STOX2: variants seen among roughly 807,000 people sequenced by gnomAD.
STOX2 encodes the protein storkhead box 2, also known as storkhead-box protein 2.
STOX2 carries 28 observed loss-of-function variants against 60.9 expected under a neutral mutation model. The ratio of observed to expected loss-of-function variants is 0.46; its 90% confidence interval spans 0.34 to 0.63. STOX2 has a LOEUF of 0.63. STOX2 is among the 30% of genes least tolerant of loss of function. STOX2 has a pLI of 0.01. For missense variants in STOX2, 1,024 were observed against 1,187.7 expected (o/e 0.86, Z 2.03); for synonymous variants, 472 against 463.9 (o/e 1.02, Z -0.22).
chr4:183,951,318 G>T lies in STOX2; in HGVS notation c.166+44362G>T, dbSNP rs1743083329. Among the ~76,000 whole-genome samples, 3 of 152,126 alleles carry T rather than the reference G, an allele frequency of 2.0e-5. No homozygotes were observed. The South Asian group carries it at 6.2e-4, about 32-fold the overall frequency. ...AGGAGCTCATTCTTCCTGCAGTGTG[G>T]AGAAAGGATTTGGGATGACAGAGGT... On this transcript the variant is annotated intron_variant, in intron 1 of 3. Coordinates refer to ENST00000308497, the MANE Select transcript of STOX2 (RefSeq NM_020225.3).
intron 1 of STOX2, among the ~76,000 whole-genome samples, chr4:183,943,948 C>A (rs1579447803): frequency 6.6e-6 from 1 of 152,222 alleles, no homozygotes; most frequent in African/African-American, 2.4e-5. Context: ...GCTGTAGCCA[C>A]CACTGAGCAC....
Position 183,806,532 on chromosome 4 carries a change from G to A in STOX2, c.364+8477G>A, listed in dbSNP as rs991130393. On this transcript the variant is annotated intron_variant, in intron 1 of 2. Transcript: ENST00000513034. The surrounding 1 kb of genome is among the most constrained non-coding windows in gnomAD (Gnocchi z 4.1). ...TCTTCACTGTGAACCCCGGGATACT[G>A]CGGCGGTGCTGGCTGGAAGGCTGGC... Among the ~76,000 whole-genome samples, 1 of 152,154 alleles carries A rather than the reference G, an allele frequency of 6.6e-6. No homozygotes were observed. Among genetic ancestry groups the A allele is most frequent in the Non-Finnish European group, 1.5e-5 (1 of 68,034 alleles).
intron 1 of STOX2, among the ~76,000 whole-genome samples, chr4:183,835,043 T>C (rs926164437): frequency 1.3e-5 from 2 of 151,990 alleles, no homozygotes; most frequent in Non-Finnish European, 2.9e-5. Flanking sequence ...GGAAACATAG[T>C]GTCTTGAAGG....
intron 1 of STOX2, among the ~76,000 whole-genome samples, chr4:183,802,900 C>T (rs772143311): frequency 6.6e-6 from 1 of 152,152 alleles, no homozygotes; most frequent in African/African-American, 2.4e-5. Context: ...GGGTTACAGG[C>T]GTGAGCCACC....
At chr4:183,994,326 G>C (rs1206965866) in intron 1 of STOX2, among the ~76,000 whole-genome samples, 1 of 152,176 alleles carries the variant, frequency 6.6e-6, no homozygotes, top group East Asian at 1.9e-4. Flanking sequence ...AATTTTGGCG[G>C]TGCAGAGAAC....
At chr4:183,957,801 G>A (rs887800442) in intron 1 of STOX2, among the ~76,000 whole-genome samples, 22 of 152,152 alleles carry the variant, frequency 1.4e-4, no homozygotes, top group South Asian at 2.1e-4. Flanking sequence ...CCTTCAGGGC[G>A]GATGGTAGAA....
intron 1 of STOX2, among the ~76,000 whole-genome samples, chr4:183,911,887 A>G (rs976728675): frequency 9.8e-5 from 15 of 152,322 alleles, no homozygotes; most frequent in African/African-American, 2.9e-4. Context: ...TCTATAAGGT[A>G]TAAAGTAGAG....
Position 184,010,422 on chromosome 4 carries a change from T to C in STOX2, c.1584T>C (p.Ile528=), listed in dbSNP as rs1396856510. 4 of 1,613,796 alleles carry C rather than the reference T, an allele frequency of 2.5e-6. No homozygotes were observed. In the South Asian group the frequency reaches 4.4e-5, roughly 18 times the overall value. The change falls in exon 3 of 4, where the codon ATT becomes ATC. Residue 528 remains isoleucine (I), a synonymous_variant. Coordinates refer to ENST00000308497, the MANE Select transcript of STOX2 (RefSeq NM_020225.3). The surrounding 1 kb of genome is among the most constrained non-coding windows in gnomAD (Gnocchi z 4.5). ...ACCAGACCCCCAGCCAATCCTACAT[T>C]GACGACAGTACTTTAAGGCCTGCAC... is the stretch of plus-strand genomic sequence containing the variant. ...QDDQTPSQSY[I]DDSTLRPAQT...
At chr4:183,854,524 C>A (rs1740240135) in intron 1 of STOX2, among the ~76,000 whole-genome samples, 1 of 152,024 alleles carries the variant, frequency 6.6e-6, no homozygotes, top group African/African-American at 2.4e-5. Flanking sequence ...TGGCAGGGGG[C>A]AGGGGGGATG....
intron 1 of STOX2, among the ~76,000 whole-genome samples, chr4:183,819,046 T>C (rs1048822055): frequency 5.4e-5 from 8 of 149,502 alleles, no homozygotes. Context: ...GCAGAGACGC[T>C]CCTCACTTTC....
chr4:184,006,507 C>T (rs979114978), intron 2 of STOX2, among the ~76,000 whole-genome samples: 4 of 151,372 alleles, frequency 2.6e-5, no homozygotes, highest in East Asian at 1.9e-4. Context: ...CCCAGGAGTT[C>T]GAGACCAACC....
chr4:183,983,892 T>C (rs948263212), intron 1 of STOX2, among the ~76,000 whole-genome samples: 1 of 152,170 alleles, frequency 6.6e-6, no homozygotes, highest in Non-Finnish European at 1.5e-5. Flanking sequence ...TCAAGTGATA[T>C]TCCTGCCTCC....
chr4:183,942,413 C>A (rs577375565), intron 1 of STOX2, among the ~76,000 whole-genome samples: 4 of 150,470 alleles, frequency 2.7e-5, no homozygotes, highest in African/African-American at 9.8e-5. Context: ...TCATGACTCA[C>A]CACATGGGAC....
intron 1 of STOX2, among the ~76,000 whole-genome samples, chr4:183,986,134 GA>G (rs138011558): frequency 3.5e-5 from 5 of 140,878 alleles, no homozygotes; most frequent in East Asian, 2.1e-4. Context: ...TGTGGAGAAA[GA>G]AAAAAAAAAC....
chr4:184,011,600 T>C lies in STOX2; in HGVS notation c.2585+177T>C. On this transcript the variant is annotated intron_variant, in intron 3 of 3. Transcript: ENST00000308497. The surrounding 1 kb of genome is among the most constrained non-coding windows in gnomAD (Gnocchi z 4.4). ...CTTCTTTTTCAGGAATTGAAAAAAATGTTTCTGCACCTGTAGAGATCACCA... is the reference window on the plus strand; with the variant it reads ...CTTCTTTTTCAGGAATTGAAAAAAACGTTTCTGCACCTGTAGAGATCACCA... 6.5e-7 allele frequency: 1 copy of C among 1,529,744 alleles called. No homozygotes were observed. Among genetic ancestry groups the C allele is most frequent in the Non-Finnish European group, 8.7e-7 (1 of 1,142,956 alleles). 94.8% of individuals were successfully genotyped at this position (1,529,744 alleles called of 1,614,324 possible). A position where few individuals can be genotyped will look rare whatever the true frequency, so the allele number is the denominator to read the frequency against.
intron 1 of STOX2, among the ~76,000 whole-genome samples, chr4:183,878,156 C>T (rs928280551): frequency 6.6e-6 from 1 of 152,182 alleles, no homozygotes. Flanking sequence ...GATTTGCACC[C>T]AGGAGATCTA....
chr4:184,005,753 C>T lies in STOX2; in HGVS notation c.320-3405C>T, dbSNP rs1733798367. On this transcript the variant is annotated intron_variant, in intron 2 of 3. Transcript: ENST00000308497. ...CAGAACCCTGAATTTCACAATCAGT[C>T]AGTATATTAGGGCTTCATAATACAA... Among the ~76,000 whole-genome samples, 3 of 152,130 alleles carry T rather than the reference C, an allele frequency of 2.0e-5. No homozygotes were observed. In the South Asian group the frequency reaches 6.2e-4, roughly 32 times the overall value.
At position 183,874,952 on chromosome 4, in the gene STOX2, AATATATATAT is replaced by A. The variant is rs759209967; in HGVS notation, c.364+76929_364+76938del. Reference sequence around the variant, plus strand: ...AAAAAAAAAAAAAAAAAAAAAAAAAAATATATATATATATATATATATATATATATATATA... The same window carrying A: ...AAAAAAAAAAAAAAAAAAAAAAAAAAATATATATATATATATATATATATA... On this transcript the variant is annotated intron_variant, in intron 1 of 2. Transcript: ENST00000513034. Among the ~76,000 whole-genome samples, 212 of 44,608 alleles carry A rather than the reference AATATATATAT, an allele frequency of 4.8e-3. 1 individual carries two copies. The highest frequency in any genetic ancestry group is 8.8e-3 in the East Asian group (11 of 1,252). The allele number at this position is 44,608 out of a possible 152,430, so 29.3% of individuals were successfully genotyped here.
chr4:183,961,360 T>TGCA (rs968770985), intron 1 of STOX2, among the ~76,000 whole-genome samples: 1 of 151,200 alleles, frequency 6.6e-6, no homozygotes, highest in Admixed American at 6.6e-5. Context: ...TGATGGTTGC[T>TGCA]GCTGCTGCTG....
Sources: allele counts gnomAD v4.1 joint callset (sites outside exome capture counted in the v4.1 genomes callset), GRCh38; gene constraint gnomAD v4.1.1; non-coding constraint Gnocchi (gnomAD v3.1); transcripts MANE v1.5; gene names NCBI Gene and HGNC (gene_info 2026-07-23, HGNC 2026-07-21).